The following ANKRD6 variants were observed in gnomAD, a reference collection of about 807,000 sequenced individuals.
ANKRD6 encodes ankyrin repeat domain 6.
A neutral mutation model predicts 82.3 loss-of-function variants in ANKRD6; 56 were observed. The ratio of observed to expected loss-of-function variants is 0.68; its 90% CI spans 0.55 to 0.85. ANKRD6 has a LOEUF of 0.85. Among genes scored for constraint, ANKRD6 ranks in the 40% least tolerant of loss-of-function variants. The probability of loss-of-function intolerance (pLI) is 0.00; values close to 1 mark genes in which losing one functional copy is unlikely to be tolerated. For missense variants in ANKRD6, 852 were observed against 907.6 expected (o/e 0.94, Z 0.79); for synonymous variants, 347 against 352.1 (o/e 0.99, Z 0.16).
intron 1 of ANKRD6, among the ~76,000 whole-genome samples, chr6:89,475,034 A>G (rs1467851920): frequency 6.6e-6 from 1 of 152,096 alleles, no homozygotes; most frequent in Non-Finnish European, 1.5e-5. Context: ...TTGTATTCCA[A>G]GTTTAACTTA....
At chr6:89,572,361 C>T (rs931997302) in intron 2 of ANKRD6, among the ~76,000 whole-genome samples, 6 of 152,198 alleles carry the variant, frequency 3.9e-5, no homozygotes, top group Non-Finnish European at 5.9e-5. Context: ...TGCTGGATTC[C>T]CATCAGCAAT....
chr6:89,599,013 C>T (rs958502551), intron 3 of ANKRD6, among the ~76,000 whole-genome samples: 3 of 152,060 alleles, frequency 2.0e-5, no homozygotes, highest in African/African-American at 7.2e-5. Flanking sequence ...CTAGGCTTAT[C>T]AATAAAATGA....
intron 1 of ANKRD6, among the ~76,000 whole-genome samples, chr6:89,450,152 C>T (rs1379419932): frequency 1.3e-5 from 2 of 152,082 alleles, no homozygotes; most frequent in Admixed American, 6.6e-5. Flanking sequence ...GCCTGGCCAG[C>T]GTAGTGAAAC....
intron 1 of ANKRD6, among the ~76,000 whole-genome samples, chr6:89,471,249 G>A (rs1274590615): frequency 4.6e-5 from 7 of 151,808 alleles, no homozygotes; most frequent in African/African-American, 1.7e-4. Context: ...CTACTCGGGA[G>A]GCTGAGGCAG....
intron 4 of ANKRD6, among the ~76,000 whole-genome samples, 189 bp from the exon 5 acceptor site, chr6:89,605,818 T>A (rs1484604270): frequency 1.3e-5 from 2 of 152,232 alleles, no homozygotes; most frequent in South Asian, 4.1e-4. Flanking sequence ...GTTCTTATGA[T>A]GTATCATTTC....
intron 10 of ANKRD6, among the ~76,000 whole-genome samples, chr6:89,622,295 G>A (rs1348780468): frequency 6.6e-6 from 1 of 152,228 alleles, no homozygotes; most frequent in Non-Finnish European, 1.5e-5. Flanking sequence ...GGTATCTGTG[G>A]CCTTTGCCCA....
chr6:89,547,199 G>C (rs398089054), intron 1 of ANKRD6, among the ~76,000 whole-genome samples: 1 of 4,660 alleles, frequency 2.1e-4, no homozygotes, highest in South Asian at 0.031. Flanking sequence ...TTGTTATTTG[G>C]GGGGGGGGTT....
At chr6:89,434,562 G>A (rs558632708) in intron 1 of ANKRD6, among the ~76,000 whole-genome samples, 5 of 152,170 alleles carry the variant, frequency 3.3e-5, no homozygotes, top group African/African-American at 1.2e-4. Context: ...TAGCTCAACC[G>A]ATCTTCCCAC....
At chr6:89,533,559 T>C (rs1414789332) in intron 1 of ANKRD6, among the ~76,000 whole-genome samples, 1 of 152,178 alleles carries the variant, frequency 6.6e-6, no homozygotes, top group African/African-American at 2.4e-5. Flanking sequence ...TCAGTACTTT[T>C]TTCCTCTGCC....
chr6:89,579,000 A>G (rs1684222561), intron 2 of ANKRD6, among the ~76,000 whole-genome samples: 1 of 152,230 alleles, frequency 6.6e-6, no homozygotes, highest in South Asian at 2.1e-4. Context: ...AGCTGTCTGC[A>G]GGGTGGCCCA....
chr6:89,630,103 A>T (rs1341277357), intron 15 of ANKRD6, among the ~76,000 whole-genome samples: 1 of 152,140 alleles, frequency 6.6e-6, no homozygotes, highest in Non-Finnish European at 1.5e-5. Context: ...CATCATCCTT[A>T]GGCATCAGGA....
intron 1 of ANKRD6, among the ~76,000 whole-genome samples, chr6:89,466,968 A>G (rs1774917804): frequency 6.6e-6 from 1 of 152,112 alleles, no homozygotes; most frequent in Non-Finnish European, 1.5e-5. Flanking sequence ...TGGCCTCCCA[A>G]AGTGCTGGGA....
chr6:89,566,623 G>A (rs561358217), intron 1 of ANKRD6, among the ~76,000 whole-genome samples: 4 of 152,360 alleles, frequency 2.6e-5, no homozygotes, highest in Admixed American at 2.0e-4. Context: ...GGGGAAGAAG[G>A]GAGGGAAGTT....
At chr6:89,610,132 G>A (rs1458001754) in intron 5 of ANKRD6, among the ~76,000 whole-genome samples, 2 of 152,144 alleles carry the variant, frequency 1.3e-5, no homozygotes, top group African/African-American at 2.4e-5. Context: ...TCTAATGTCA[G>A]GTTTTGAGAT....
chr6:89,616,750 C>T (rs1053072835), intron 8 of ANKRD6, 93 bp downstream of exon 8: 97 of 1,255,928 alleles, frequency 7.7e-5, no homozygotes, highest in African/African-American at 4.9e-4. Flanking sequence ...CCAGGCCCAG[C>T]GCACTCTGGA....
intron 8 of ANKRD6, 37 bp downstream of exon 8, chr6:89,616,694 C>G: frequency 6.3e-7 from 1 of 1,590,968 alleles, no homozygotes; most frequent in Non-Finnish European, 8.6e-7. Context: ...TAAAGTGGTT[C>G]CCACCCCTTT....
chr6:89,444,493 T>C (rs1403241384), intron 1 of ANKRD6, among the ~76,000 whole-genome samples: 1 of 152,224 alleles, frequency 6.6e-6, no homozygotes, highest in Non-Finnish European at 1.5e-5. Context: ...TCATCTTTGT[T>C]ACCTTGCTGA....
intron 1 of ANKRD6, among the ~76,000 whole-genome samples, chr6:89,532,710 T>C (rs997187428): frequency 2.7e-5 from 4 of 148,956 alleles, no homozygotes; most frequent in Non-Finnish European, 4.5e-5. Flanking sequence ...TTTTTTTTTC[T>C]TTTTTTTTTG....
chr6:89,539,824 T>C (rs1387620987), intron 1 of ANKRD6, among the ~76,000 whole-genome samples: 15 of 151,688 alleles, frequency 9.9e-5, no homozygotes, highest in African/African-American at 3.1e-4. Flanking sequence ...GTAACCATCC[T>C]TCTACTCTCT....
Sources: gnomAD v4.1 joint callset for allele counts (sites outside exome capture counted in the v4.1 genomes callset) on GRCh38, gnomAD v4.1.1 for gene constraint, MANE v1.5 for transcripts, NCBI Gene and HGNC (gene_info 2026-07-23, HGNC 2026-07-21) for gene names.